The following FBXO2 variants were observed in gnomAD, a reference collection of about 807,000 sequenced individuals.
FBXO2 encodes F-box protein 2.
In FBXO2, 32 loss-of-function variants were observed where a neutral mutation model predicts 38.6. The ratio of observed to expected loss-of-function variants is 0.83; its 90% CI spans 0.62 to 1.11. The LOEUF is 1.11. Among genes scored for constraint, FBXO2 ranks in the 50% most tolerant of loss-of-function variants. The probability of loss-of-function intolerance (pLI) is 0.00; values close to 1 mark genes in which losing one functional copy is unlikely to be tolerated. For missense variants in FBXO2, 450 were observed against 418.3 expected, an observed-to-expected ratio of 1.08 and a Z score of -0.66; for synonymous variants, 189 against 182.9, an observed-to-expected ratio of 1.03 and a Z score of -0.27.
intron 2 of FBXO2, 112 bp from the exon 3 acceptor site, chr1:11,650,186 G>C: frequency 6.7e-7 from 1 of 1,483,530 alleles, no homozygotes; most frequent in Non-Finnish European, 9.1e-7. Context: ...TTGGTGGGCA[G>C]ATGATGAATG....
rs1266581377 is a variant in FBXO2 at position 11,650,503 on chromosome 1, C to T, written c.354G>A (p.Lys118=). 1.9e-6 allele frequency: 3 copies of T among 1,608,254 alleles called. No individual in the cohort carries two copies. In the African/African-American group the frequency reaches 4.0e-5, roughly 21 times the overall value. The change falls in exon 2 of 6, where the codon AAG becomes AAA. Residue 118 remains lysine, a synonymous_variant. Coordinates refer to ENST00000354287, the MANE Select transcript of FBXO2 (RefSeq NM_012168.6). The part of the protein sequence containing the change: ...DHWQQFYFLS[K]RRRNLLRNPC... ...GGTTACGCAGAAGGTTGCGGCGCCG[C>T]TTGCTCAGGAAGTAGAACTGCTGCC...
rs749821736 is a variant in FBXO2, at chr1:11,650,068, A to G, written c.398T>C (p.Leu133Ser). 1 of 1,613,894 alleles carries G rather than the reference A, an allele frequency of 6.2e-7. No homozygotes were observed. Among genetic ancestry groups the G allele is most frequent in the Non-Finnish European group, 8.5e-7 (1 of 1,179,988 alleles). The change falls in exon 3 of 6, where the codon TTG (leucine) becomes TCG (serine). Residue 133 changes from leucine to serine, a missense_variant. Coordinates refer to ENST00000354287, the MANE Select transcript of FBXO2 (RefSeq NM_012168.6). ...ATGCTCCACGTCACACCAGCCTTCC[A>G]AGTCCTCTGTAGGGACACGACAGCC... ...LLRNPCGEED[L>S]EGWCDVEHGG...
At chr1:11,649,004 A>T (rs910411166) in intron 5 of FBXO2, 83 bp downstream of exon 5, 4 of 1,283,836 alleles carry the variant, frequency 3.1e-6, no homozygotes, top group South Asian at 2.7e-5. Flanking sequence ...ACCCCAGCCC[A>T]GGAGCGCTGT....
chr1:11,649,917 CCCACCTCCT>C lies in FBXO2; in HGVS notation c.521+19_521+27del, dbSNP rs1364196188. 1.3e-5 allele frequency: 21 copies of C among 1,613,820 alleles called. No homozygotes were observed. The highest frequency in any genetic ancestry group is 1.8e-5 in the Non-Finnish European group (21 of 1,179,954). ...AGGACAGAGCGAACGCTCCCCCCTT[CCCACCTCCT>C]CCACCCCCTTCTCCTTACTCAAAGG... is the stretch of plus-strand genomic sequence containing the variant. On this transcript the variant is annotated intron_variant, in intron 3 of 5. Coordinates refer to ENST00000354287, the MANE Select transcript of FBXO2 (RefSeq NM_012168.6).
rs1210530196 is a variant in FBXO2 at position 11,649,930 on chromosome 1, C to T, written c.521+15G>A. 1 of 1,614,016 alleles carries T rather than the reference C, an allele frequency of 6.2e-7. No individual in the cohort carries two copies. Among genetic ancestry groups the T allele is most frequent in the Non-Finnish European group, 8.5e-7 (1 of 1,179,992 alleles). The stretch of plus-strand genomic sequence containing the variant: ...CGCTCCCCCCTTCCCACCTCCTCCA[C>T]CCCCTTCTCCTTACTCAAAGGAGGA... On this transcript the variant is annotated intron_variant, in intron 3 of 5. Transcript: ENST00000354287.
At chr1:11,651,629 C>T (rs1373426330) in intron 1 of FBXO2, among the ~76,000 whole-genome samples, 2 of 152,094 alleles carry the variant, frequency 1.3e-5, no homozygotes, top group Non-Finnish European at 2.9e-5. Flanking sequence ...GACAGCCTGG[C>T]TCCAGAGCCA....
At position 11,648,688 on chromosome 1, in the gene FBXO2, G is replaced by T; in HGVS notation, c.*6C>A. 6.2e-7 allele frequency: 1 copy of T among 1,612,954 alleles called. No homozygotes were observed. On this transcript the variant is annotated 3_prime_UTR_variant, in exon 6 of 6. Coordinates refer to ENST00000354287, the MANE Select transcript of FBXO2 (RefSeq NM_012168.6). The surrounding 1 kb of genome is among the most constrained non-coding windows in gnomAD (Gnocchi z 4.2). ...GGCAGCTGGGGGAGAGTGGAGGCAG[G>T]GTCGCTCAGGGTTCTACCCACACGC...
chr1:11,649,931 C>T lies in FBXO2; in HGVS notation c.521+14G>A, dbSNP rs1268475873. The T allele has an allele frequency of 2.1e-5, 34 of 1,613,916 alleles. 2 individuals carry two copies. In the Admixed American group the frequency reaches 5.7e-4, roughly 27 times the overall value. On this transcript the variant is annotated intron_variant, in intron 3 of 5. Coordinates refer to ENST00000354287, the MANE Select transcript of FBXO2 (RefSeq NM_012168.6). ...GCTCCCCCCTTCCCACCTCCTCCAC[C>T]CCCTTCTCCTTACTCAAAGGAGGAG...
chr1:11,654,362 G>A lies in FBXO2; in HGVS notation c.-22C>T, dbSNP rs939018271. ...CCATCGCTGCGGAGGGCGGTCGCGAGAGGAGGAGCCGGAGCGCTGCGGGCT... is the reference window on the plus strand; with the variant it reads ...CCATCGCTGCGGAGGGCGGTCGCGAAAGGAGGAGCCGGAGCGCTGCGGGCT... On this transcript the variant is annotated 5_prime_UTR_variant, in exon 1 of 6. Coordinates refer to ENST00000354287, the MANE Select transcript of FBXO2 (RefSeq NM_012168.6). 4.2e-6 allele frequency: 6 copies of A among 1,415,744 alleles called. No individual in the cohort carries two copies. Among genetic ancestry groups the A allele is most frequent in the Admixed American group, 6.4e-5 (2 of 31,190 alleles). 87.7% of individuals were successfully genotyped at this position (1,415,744 alleles called of 1,614,324 possible). A position where few individuals can be genotyped will look rare whatever the true frequency, so the allele number is the denominator to read the frequency against.
chr1:11,652,701 C>T lies in FBXO2; in HGVS notation c.22+1618G>A, dbSNP rs116482766. On this transcript the variant is annotated intron_variant, in intron 1 of 5. Transcript: ENST00000354287. ...CTCAGACCTACGGATGGGGAGTTCC[C>T]ATGGGCTAGGCCCTGGAGAGCCAAG... 5.2e-3 allele frequency among the ~76,000 whole-genome samples: 795 copies of T among 152,314 alleles called. 5 individuals are homozygous for T. The highest frequency in any genetic ancestry group is 0.018 in the African/African-American group (750 of 41,572).
In FBXO2 at chr1:11,650,591, A is replaced by G. The variant is rs768151906; in HGVS notation, c.266T>C (p.Leu89Pro). ...CAGCCCCTCCTGCTGGCACTTGAGCAGCCACAGCGGGGCGCCGTCCACCAG... is the reference window on the plus strand; with the variant it reads ...CAGCCCCTCCTGCTGGCACTTGAGCGGCCACAGCGGGGCGCCGTCCACCAG... ...KELVDGAPLW[L>P]LKCQQEGLVP... The change falls in exon 2 of 6, where the codon CTG becomes CCG. Residue 89 changes from leucine to proline, a missense_variant. Physicochemically the swap from Leu to Pro is moderately conservative, Grantham distance 98 (BLOSUM62 -3). Transcript: ENST00000354287. 2.2e-5 allele frequency: 35 copies of G among 1,594,516 alleles called. No individual in the cohort carries two copies. Among genetic ancestry groups the G allele is most frequent in the Non-Finnish European group, 3.0e-5 (35 of 1,173,472 alleles).
Position 11,650,974 on chromosome 1 carries a change from C to T in FBXO2, c.23-140G>A, listed in dbSNP as rs12061135. 4 of 1,282,098 alleles carry T rather than the reference C, an allele frequency of 3.1e-6. No homozygotes were observed. The East Asian group carries it at 1.2e-4, about 37-fold the overall frequency. The allele number at this position is 1,282,098 out of a possible 1,614,324, so 79.4% of individuals were successfully genotyped here. A position where few individuals can be genotyped will look rare whatever the true frequency, so the allele number is the denominator to read the frequency against. On this transcript the variant is annotated intron_variant, in intron 1 of 5. Coordinates refer to ENST00000354287, the MANE Select transcript of FBXO2 (RefSeq NM_012168.6). The stretch of plus-strand genomic sequence containing the variant: ...GGGCCGGAGATTCTGTGACTCCATA[C>T]TGGTGCCCAAGGAGGAGGGCCACAA...
chr1:11,650,804 G>A lies in FBXO2; in HGVS notation c.53C>T (p.Pro18Leu), dbSNP rs767723833. 12 of 1,541,702 alleles carry A rather than the reference G, an allele frequency of 7.8e-6. No homozygotes were observed. In the Admixed American group the frequency reaches 1.7e-4, roughly 22 times the overall value. Reference protein sequence around the residue: ...ESVGQPEEASPEEQPEEASAE... With the variant: ...ESVGQPEEASLEEQPEEASAE... The stretch of plus-strand genomic sequence containing the variant: ...ACTCGCCTCCTCTGGCTGCTCCTCC[G>A]GGCTTGCCTCCTCGGGCTGGCCCAC... Residue 18 changes from proline (P) to leucine (L), a missense_variant, in exon 2 of 6, where the codon CCG becomes CTG. Physicochemically the swap from Pro to Leu is moderately conservative, Grantham distance 98. Coordinates refer to ENST00000354287, the MANE Select transcript of FBXO2 (RefSeq NM_012168.6).
chr1:11,653,055 A>C (rs1639559031), intron 1 of FBXO2, among the ~76,000 whole-genome samples: 1 of 152,226 alleles, frequency 6.6e-6, no homozygotes, highest in African/African-American at 2.4e-5. Context: ...CTCCCAGACC[A>C]CATCGCAGAA....
intron 1 of FBXO2, among the ~76,000 whole-genome samples, chr1:11,652,680 G>C (rs1466062780): frequency 6.6e-6 from 1 of 152,230 alleles, no homozygotes; most frequent in African/African-American, 2.4e-5. Context: ...ACAGCTCTCA[G>C]ACCTACGGAT....
rs772809438 is a variant in FBXO2 at position 11,648,858 on chromosome 1, C to G, written c.757-30G>C. On this transcript the variant is annotated intron_variant, in intron 5 of 5. Transcript: ENST00000354287. The surrounding 1 kb of genome is among the most constrained non-coding windows in gnomAD (Gnocchi z 4.2). The stretch of plus-strand genomic sequence containing the variant: ...GGGTGGAGGTAACAAGAGTCAGCCT[C>G]GGAGGTCCTGAGGCCTCTCCTGCCG... The G allele has an allele frequency of 1.2e-6, 2 of 1,612,348 alleles. No individual in the cohort carries two copies. Among genetic ancestry groups the G allele is most frequent in the South Asian group, 2.2e-5 (2 of 91,050 alleles).
chr1:11,650,393 C>G (rs907781478), intron 2 of FBXO2, 73 bp downstream of exon 2: 18 of 1,536,882 alleles, frequency 1.2e-5, no homozygotes, highest in East Asian at 2.4e-5. Flanking sequence ...ATTTCTCCCT[C>G]AAAGCCAGGC....
intron 1 of FBXO2, 57 bp downstream of exon 1, chr1:11,654,262 C>A: frequency 6.7e-7 from 1 of 1,482,700 alleles, no homozygotes; most frequent in South Asian, 1.3e-5. Flanking sequence ...GTGCAGCGCT[C>A]GCCCGCCGAC....
chr1:11,654,403 C>G lies in FBXO2; in HGVS notation c.-63G>C. 1 of 1,324,674 alleles carries G rather than the reference C, an allele frequency of 7.5e-7. No individual in the cohort carries two copies. Among genetic ancestry groups the G allele is most frequent in the South Asian group, 1.9e-5 (1 of 53,146 alleles). 82.1% of individuals were successfully genotyped at this position (1,324,674 alleles called of 1,614,324 possible). On this transcript the variant is annotated 5_prime_UTR_variant, in exon 1 of 6. Coordinates refer to ENST00000354287, the MANE Select transcript of FBXO2 (RefSeq NM_012168.6). ...GCTGCGGGCTGCGCGAGTCCCGGGGCGGCGAGTCCCGGCGCTGTCCGCGTC... is the reference window on the plus strand; with the variant it reads ...GCTGCGGGCTGCGCGAGTCCCGGGGGGGCGAGTCCCGGCGCTGTCCGCGTC...
Sources: allele counts gnomAD v4.1 joint callset (sites outside exome capture counted in the v4.1 genomes callset), GRCh38; gene constraint gnomAD v4.1.1; non-coding constraint Gnocchi (gnomAD v3.1); transcripts MANE v1.5; gene names NCBI Gene and HGNC (gene_info 2026-07-23, HGNC 2026-07-21).